The following EPHA3 variants were observed in gnomAD, a reference collection of about 807,000 sequenced individuals.
EPHA3 encodes ephrin type-A receptor 3.
Under a neutral mutation model 107.1 loss-of-function variants are expected in EPHA3, and 42 were observed. The observed-to-expected ratio is 0.39, with a 90% CI of 0.31 to 0.51. The LOEUF (loss-of-function observed/expected upper bound fraction) is 0.51. Among genes scored for constraint, EPHA3 ranks in the 20% least tolerant of loss-of-function variants. The pLI, the probability that EPHA3 is intolerant of heterozygous loss-of-function variation, is 0.78. For missense variants in EPHA3, 1,183 were observed against 1,211.2 expected (o/e 0.98, Z 0.35); for synonymous variants, 461 against 424.8 (o/e 1.09, Z -1.05).
At chr3:89,228,307 G>C (rs1428006304) in intron 3 of EPHA3, among the ~76,000 whole-genome samples, 1 of 151,892 alleles carries the variant, frequency 6.6e-6, no homozygotes, top group Non-Finnish European at 1.5e-5. Flanking sequence ...AGATGATATA[G>C]TGTTCCTTTG....
chr3:89,330,208 C>A (rs971295337), intron 3 of EPHA3, among the ~76,000 whole-genome samples: 1 of 151,814 alleles, frequency 6.6e-6, no homozygotes. Context: ...CATCTTAGAA[C>A]AAATACTTAC....
At chr3:89,332,087 C>A (rs558634621) in intron 3 of EPHA3, among the ~76,000 whole-genome samples, 1 of 152,276 alleles carries the variant, frequency 6.6e-6, no homozygotes, top group East Asian at 1.9e-4. Flanking sequence ...TCTGGCCCTT[C>A]CCACATAATC....
intron 16 of EPHA3, among the ~76,000 whole-genome samples, chr3:89,478,178 T>G (rs1710553803): frequency 6.6e-6 from 1 of 152,178 alleles, no homozygotes; most frequent in African/African-American, 2.4e-5. Flanking sequence ...GTTTTTATAA[T>G]CTTTATTTTA....
At chr3:89,148,127 AAC>A (rs1467652428) in intron 2 of EPHA3, among the ~76,000 whole-genome samples, 4 of 151,982 alleles carry the variant, frequency 2.6e-5, no homozygotes, top group Non-Finnish European at 5.9e-5. Flanking sequence ...ATCAGTCAGT[AAC>A]ACACACATGT....
intron 2 of EPHA3, among the ~76,000 whole-genome samples, chr3:89,131,827 CTT>C (rs960097747): frequency 1.2e-4 from 18 of 152,306 alleles, no homozygotes; most frequent in African/African-American, 4.3e-4. Context: ...GGAAAACACT[CTT>C]TTGGCAAATA....
intron 3 of EPHA3, among the ~76,000 whole-genome samples, chr3:89,229,047 T>G (rs572413345): frequency 6.6e-6 from 1 of 152,152 alleles, no homozygotes; most frequent in Admixed American, 6.6e-5. Flanking sequence ...TCTCTTTCCC[T>G]ATTTTCTACA....
chr3:89,242,583 G>A (rs371268869), intron 3 of EPHA3, among the ~76,000 whole-genome samples: 1 of 151,786 alleles, frequency 6.6e-6, no homozygotes, highest in East Asian at 2.0e-4. Context: ...GACTACGGGC[G>A]CCCACCACCA....
intron 10 of EPHA3, among the ~76,000 whole-genome samples, chr3:89,415,639 G>A (rs1432498389): frequency 6.6e-6 from 1 of 150,850 alleles, no homozygotes; most frequent in African/African-American, 2.4e-5. Flanking sequence ...TCCCACAGTA[G>A]TAGATTACTA....
chr3:89,264,526 CTAATGTAGATGAGTTCTCTTTTTA>C (rs1705492214), intron 3 of EPHA3, among the ~76,000 whole-genome samples: 1 of 152,108 alleles, frequency 6.6e-6, no homozygotes, highest in Admixed American at 6.5e-5. Context: ...GTTACGTATT[CTAATGTAGATGAGTTCTCTTTTTA>C]TAAATTATCA....
At chr3:89,208,679 A>C (rs1363901068) in intron 2 of EPHA3, among the ~76,000 whole-genome samples, 2 of 152,086 alleles carry the variant, frequency 1.3e-5, no homozygotes, top group African/African-American at 4.8e-5. Context: ...TATCCACCAC[A>C]TCTTTCGTAA....
At chr3:89,400,157 T>C in intron 7 of EPHA3, 1 of 715,174 alleles carries the variant, frequency 1.4e-6, no homozygotes, top group Non-Finnish European at 1.7e-6. Flanking sequence ...GAGTAGAAGT[T>C]AATGATTTTA....
At chr3:89,242,529 C>A (rs1228982636) in intron 3 of EPHA3, among the ~76,000 whole-genome samples, 1 of 152,130 alleles carries the variant, frequency 6.6e-6, no homozygotes, top group Non-Finnish European at 1.5e-5. Context: ...GCTCCGCCTC[C>A]CGGGTTCACA....
intron 11 of EPHA3, among the ~76,000 whole-genome samples, chr3:89,423,981 A>G (rs1436085978): frequency 6.6e-6 from 1 of 151,472 alleles, no homozygotes; most frequent in Non-Finnish European, 1.5e-5. Context: ...GCACTAGTTT[A>G]GTAGCTGTCT....
intron 15 of EPHA3, among the ~76,000 whole-genome samples, chr3:89,460,045 A>T (rs186970345): frequency 1.4e-3 from 214 of 152,322 alleles, no homozygotes; most frequent in Non-Finnish European, 2.5e-3. Context: ...AAGCTAAATT[A>T]AAAATTGACT....
chr3:89,380,471 T>C lies in EPHA3; in HGVS notation c.1307-15366T>C, dbSNP rs557473821. Among the ~76,000 whole-genome samples the C allele has an allele frequency of 5.9e-5, 9 of 152,314 alleles. No homozygotes were observed. In the South Asian group the frequency reaches 1.9e-3, roughly 32 times the overall value. ...CCCCAAAAACAACAGGGTTTGTGTA[T>C]GACGCCTTTGATAACTCTGGTCTGG... is the stretch of plus-strand genomic sequence containing the variant. On this transcript the variant is annotated intron_variant, in intron 5 of 16. Coordinates refer to ENST00000336596, the MANE Select transcript of EPHA3 (RefSeq NM_005233.6).
At chr3:89,113,472 A>G (rs1707163732) in intron 1 of EPHA3, among the ~76,000 whole-genome samples, 2 of 93,370 alleles carry the variant, frequency 2.1e-5, no homozygotes, top group South Asian at 8.6e-4. Context: ...GCCTCCTACC[A>G]GCTTCCTTTG....
intron 3 of EPHA3, among the ~76,000 whole-genome samples, chr3:89,328,413 C>T (rs1707217452): frequency 6.6e-6 from 1 of 152,136 alleles, no homozygotes; most frequent in Admixed American, 6.6e-5. Context: ...TTGACTAGAC[C>T]TCTAAGATAT....
chr3:89,346,209 G>T (rs961602062), intron 5 of EPHA3, among the ~76,000 whole-genome samples: 1 of 123,744 alleles, frequency 8.1e-6, no homozygotes, highest in Non-Finnish European at 1.7e-5. Context: ...TTCCACAATG[G>T]TTGAACTAGT....
chr3:89,399,675 C>G (rs116163432), intron 7 of EPHA3, 195 bp downstream of exon 7: 6 of 1,247,794 alleles, frequency 4.8e-6, no homozygotes, highest in Non-Finnish European at 4.0e-6. Context: ...TTTTGTGTTT[C>G]TTTTTTTCTT....
Sources: gnomAD v4.1 joint callset for allele counts (sites outside exome capture counted in the v4.1 genomes callset) on GRCh38, gnomAD v4.1.1 for gene constraint, MANE v1.5 for transcripts, NCBI Gene and HGNC (gene_info 2026-07-23, HGNC 2026-07-21) for gene names.